The following KAT2B variants were observed in gnomAD, a reference collection of about 807,000 sequenced individuals.
KAT2B encodes histone acetyltransferase KAT2B.
A neutral mutation model predicts 105.9 loss-of-function variants in KAT2B; 36 were observed. The ratio of observed to expected loss-of-function variants is 0.34; its 90% CI spans 0.26 to 0.45. The LOEUF (loss-of-function observed/expected upper bound fraction) is 0.45. Ranked by LOEUF, KAT2B falls within the 20% of genes least tolerant of loss-of-function variation. The probability of loss-of-function intolerance (pLI) is 1.00; values close to 1 mark genes in which losing one functional copy is unlikely to be tolerated. For missense variants in KAT2B, 820 were observed against 1,021.6 expected (o/e 0.80, Z 2.69); for synonymous variants, 397 against 377.9 (o/e 1.05, Z -0.59).
At position 20,137,033 on chromosome 3, in the gene KAT2B, T is replaced by C. The variant is rs1699614194; in HGVS notation, c.1841T>C (p.Ile614Thr). ...NFLTYADEYA[I>T]GYFKKQGFSK... ...CTCACATATGCAGATGAATATGCAA[T>C]TGGATACTTTAAGAAACAGGTTGGT... is the stretch of plus-strand genomic sequence containing the variant. The change falls in exon 12 of 18, where the codon ATT becomes ACT. Residue 614 changes from isoleucine (I) to threonine (T), a missense_variant. Transcript: ENST00000263754. The C allele has an allele frequency of 1.9e-6, 3 of 1,571,508 alleles. No homozygotes were observed. Among genetic ancestry groups the C allele is most frequent in the Non-Finnish European group, 2.6e-6 (3 of 1,141,300 alleles).
At chr3:20,106,581 A>G (rs1699009905) in intron 5 of KAT2B, among the ~76,000 whole-genome samples, 1 of 152,208 alleles carries the variant, frequency 6.6e-6, no homozygotes, top group Non-Finnish European at 1.5e-5. Flanking sequence ...GCTGAAAAGT[A>G]TAAATTGAGG....
At chr3:20,060,044 T>C (rs1005421294) in intron 1 of KAT2B, among the ~76,000 whole-genome samples, 1 of 152,260 alleles carries the variant, frequency 6.6e-6, no homozygotes, top group African/African-American at 2.4e-5. Flanking sequence ...TACATCCATG[T>C]TGTAGCATAT....
intron 2 of KAT2B, among the ~76,000 whole-genome samples, chr3:20,074,469 T>C (rs1698383004): frequency 1.3e-5 from 2 of 152,182 alleles, no homozygotes; most frequent in Non-Finnish European, 2.9e-5. Context: ...TGCAGGATCA[T>C]TGTGAGGATT....
chr3:20,071,530 G>A (rs1322430513), intron 1 of KAT2B, among the ~76,000 whole-genome samples: 1 of 152,002 alleles, frequency 6.6e-6, no homozygotes, highest in Non-Finnish European at 1.5e-5. Context: ...AGCATACAGT[G>A]TGGTACCTGG....
chr3:20,144,292 T>C (rs1191672460), intron 13 of KAT2B, among the ~76,000 whole-genome samples: 5 of 138,816 alleles, frequency 3.6e-5, no homozygotes, highest in Admixed American at 1.4e-4. Flanking sequence ...TTTTTTTTTT[T>C]TTTTTTTTTT....
intron 17 of KAT2B, chr3:20,148,830 T>C (rs911979956): frequency 5.9e-5 from 12 of 203,526 alleles, no homozygotes; most frequent in African/African-American, 2.5e-4. Context: ...AAACATCAGC[T>C]TATCCTCTTG....
chr3:20,089,270 CA>C (rs1698672536), intron 2 of KAT2B, among the ~76,000 whole-genome samples: 2 of 151,906 alleles, frequency 1.3e-5, no homozygotes, highest in South Asian at 4.1e-4. Context: ...TGAAAAATGT[CA>C]TTGGAATTTT....
intron 6 of KAT2B, among the ~76,000 whole-genome samples, chr3:20,112,635 G>A (rs960348849): frequency 1.3e-5 from 2 of 152,154 alleles, no homozygotes. Context: ...CTAGATCAGC[G>A]CTTGGTCAGG....
At chr3:20,074,022 T>G (rs773147919) in intron 2 of KAT2B, among the ~76,000 whole-genome samples, 7 of 152,228 alleles carry the variant, frequency 4.6e-5, no homozygotes, top group Non-Finnish European at 8.8e-5. Context: ...CTTTGTTTCC[T>G]TTTTTATTTC....
intron 1 of KAT2B, among the ~76,000 whole-genome samples, chr3:20,054,851 C>T (rs998278266): frequency 3.9e-5 from 6 of 152,222 alleles, no homozygotes; most frequent in African/African-American, 1.4e-4. Flanking sequence ...ACTCATCCCA[C>T]CTCGAAAGGA....
intron 2 of KAT2B, among the ~76,000 whole-genome samples, chr3:20,088,473 G>T (rs930263120): frequency 2.0e-5 from 3 of 152,078 alleles, no homozygotes; most frequent in Non-Finnish European, 2.9e-5. Flanking sequence ...ATCTCATTGT[G>T]ATTTTAATTT....
At chr3:20,121,661 A>G (rs1335419338) in intron 8 of KAT2B, among the ~76,000 whole-genome samples, 1 of 152,108 alleles carries the variant, frequency 6.6e-6, no homozygotes, top group African/African-American at 2.4e-5. Context: ...GTTTATTAAA[A>G]ATAATTTATG....
chr3:20,089,409 T>G (rs930051503), intron 2 of KAT2B, among the ~76,000 whole-genome samples: 1 of 150,786 alleles, frequency 6.6e-6, no homozygotes, highest in Non-Finnish European at 1.5e-5. Flanking sequence ...CTTTTTTTTT[T>G]TTTTTTTTTG....
At chr3:20,096,323 T>C (rs894082113) in intron 3 of KAT2B, among the ~76,000 whole-genome samples, 1 of 152,120 alleles carries the variant, frequency 6.6e-6, no homozygotes, top group African/African-American at 2.4e-5. Flanking sequence ...ATCCATTCCC[T>C]ACTATAGACA....
intron 5 of KAT2B, among the ~76,000 whole-genome samples, chr3:20,108,548 T>C (rs1699062748): frequency 6.6e-6 from 1 of 152,232 alleles, no homozygotes; most frequent in Admixed American, 6.5e-5. Context: ...TACCTTTCCA[T>C]GTTTAGGTAT....
chr3:20,062,254 A>AT (rs1698140814), intron 1 of KAT2B, among the ~76,000 whole-genome samples: 1 of 61,438 alleles, frequency 1.6e-5, no homozygotes, highest in African/African-American at 8.3e-5. Flanking sequence ...TAATATATAA[A>AT]ATATGATATA....
chr3:20,073,638 T>A (rs1409153466), intron 2 of KAT2B, among the ~76,000 whole-genome samples: 2 of 152,252 alleles, frequency 1.3e-5, no homozygotes, highest in Non-Finnish European at 2.9e-5. Flanking sequence ...ATGTGAGCTC[T>A]GAGTTTTGAA....
intron 13 of KAT2B, among the ~76,000 whole-genome samples, chr3:20,145,883 C>G (rs955611954): frequency 2.0e-5 from 3 of 152,084 alleles, no homozygotes; most frequent in African/African-American, 7.2e-5. Context: ...GCCCGTTTAC[C>G]TGCTTCTCTA....
intron 2 of KAT2B, among the ~76,000 whole-genome samples, chr3:20,077,401 TA>T: frequency 6.6e-6 from 1 of 152,294 alleles, no homozygotes; most frequent in South Asian, 2.1e-4. Flanking sequence ...CCAAGTTCCT[TA>T]ACCTTTTTGC....
Sources: allele counts gnomAD v4.1 joint callset (sites outside exome capture counted in the v4.1 genomes callset), GRCh38; gene constraint gnomAD v4.1.1; transcripts MANE v1.5; gene names NCBI Gene and HGNC (gene_info 2026-07-23, HGNC 2026-07-21).